Variants in GSK3B observed in about 807,000 individuals in gnomAD.
GSK3B encodes glycogen synthase kinase 3 beta, also known as glycogen synthase kinase-3 beta.
A neutral mutation model predicts 56.4 loss-of-function variants in GSK3B; 15 were observed. The observed-to-expected ratio is 0.27, with a 90% CI of 0.18 to 0.41. The LOEUF is 0.41. Ranked by LOEUF, GSK3B falls within the 10% of genes least tolerant of loss-of-function variation. The pLI is 1.00. For missense variants in GSK3B, 300 were observed against 513.4 expected (o/e 0.58, Z 4.02); for synonymous variants, 181 against 188.9 (o/e 0.96, Z 0.34).
rs1221814074 is a variant in GSK3B at position 119,825,290 on chromosome 3, C to T, written c.*1498G>A. 3 of 229,366 alleles carry T rather than the reference C, an allele frequency of 1.3e-5. No individual in the cohort carries two copies. The highest frequency in any genetic ancestry group is 1.1e-4 in the Admixed American group (2 of 17,640). The allele number at this position is 229,366 out of a possible 1,614,324, so 14.2% of individuals were successfully genotyped here. A position where few individuals can be genotyped will look rare whatever the true frequency, so the allele number is the denominator to read the frequency against. On this transcript the variant is annotated 3_prime_UTR_variant, in exon 11 of 11. Coordinates refer to ENST00000264235, the MANE Select transcript of GSK3B (RefSeq NM_001146156.2). ...ACAAACTAGTCATGAAAATCTATTT[C>T]CTCACGGCAAACATAGTCCTTCAAT...
chr3:119,826,569 C>A lies in GSK3B; in HGVS notation c.*219G>T, dbSNP rs536026067. ...CCCCTCCCCACAACCCCTCCCACCC[C>A]CTGGATCTCCCTCAAAGTGAGAATA... is the stretch of plus-strand genomic sequence containing the variant. On this transcript the variant is annotated 3_prime_UTR_variant, in exon 11 of 11. Transcript: ENST00000264235. 9.2e-5 allele frequency: 58 copies of A among 632,916 alleles called. 1 individual carries two copies. The highest frequency in any genetic ancestry group is 8.6e-4 in the South Asian group (52 of 60,432). 39.2% of individuals were successfully genotyped at this position (632,916 alleles called of 1,614,324 possible). A position where few individuals can be genotyped will look rare whatever the true frequency, so the allele number is the denominator to read the frequency against.
chr3:119,880,199 T>C (rs1238513467), intron 7 of GSK3B, among the ~76,000 whole-genome samples: 2 of 152,156 alleles, frequency 1.3e-5, no homozygotes, highest in Non-Finnish European at 2.9e-5. Context: ...GTAGTTTTGA[T>C]TTGCATTTCT....
chr3:119,904,515 A>G (rs991574244), intron 7 of GSK3B, among the ~76,000 whole-genome samples: 1 of 152,216 alleles, frequency 6.6e-6, no homozygotes, highest in East Asian at 1.9e-4. Context: ...TAGTCTTTTC[A>G]ACCATACTTG....
intron 8 of GSK3B, among the ~76,000 whole-genome samples, chr3:119,863,812 A>C (rs2056141208): frequency 6.6e-6 from 1 of 152,192 alleles, no homozygotes; most frequent in Non-Finnish European, 1.5e-5. Flanking sequence ...CTCAGAGAAA[A>C]ATCTATATAT....
chr3:120,079,555 C>T (rs1040565050), intron 1 of GSK3B, among the ~76,000 whole-genome samples: 5 of 151,954 alleles, frequency 3.3e-5, no homozygotes, highest in South Asian at 4.2e-4. Flanking sequence ...CCACCGTACC[C>T]GGCTAATTTT....
At chr3:120,060,713 G>A (rs1006015792) in intron 1 of GSK3B, among the ~76,000 whole-genome samples, 2 of 152,108 alleles carry the variant, frequency 1.3e-5, no homozygotes, top group South Asian at 2.1e-4. Flanking sequence ...GTGACAGAGC[G>A]AGACCCTGCT....
chr3:119,989,589 G>A (rs1252212475), intron 2 of GSK3B, among the ~76,000 whole-genome samples: 1 of 151,252 alleles, frequency 6.6e-6, no homozygotes, highest in East Asian at 1.9e-4. Flanking sequence ...AGGTTGCATT[G>A]AGCTGAGATT....
chr3:119,901,164 T>G (rs143752576), intron 7 of GSK3B, among the ~76,000 whole-genome samples: 1 of 152,302 alleles, frequency 6.6e-6, no homozygotes, highest in African/African-American at 2.4e-5. Flanking sequence ...CAAAAATATT[T>G]TATTTTTTCC....
chr3:119,876,178 G>A (rs954163025), intron 8 of GSK3B, among the ~76,000 whole-genome samples: 4 of 152,052 alleles, frequency 2.6e-5, no homozygotes, highest in African/African-American at 9.7e-5. Context: ...AATGATATAA[G>A]TACACTGCCC....
At chr3:120,077,385 G>GA (rs1256759094) in intron 1 of GSK3B, among the ~76,000 whole-genome samples, 1 of 152,054 alleles carries the variant, frequency 6.6e-6, no homozygotes, top group South Asian at 2.1e-4. Context: ...ACTATACACA[G>GA]AAAAAAATAT....
At chr3:120,058,483 A>T (rs76302983) in intron 1 of GSK3B, among the ~76,000 whole-genome samples, 3,927 of 152,210 alleles carry the variant, frequency 0.026, 81 homozygotes, top group Non-Finnish European at 0.041. Flanking sequence ...GGAGTTATAG[A>T]GTCTCCTGAG....
chr3:119,915,519 A>G (rs1244989096), intron 5 of GSK3B, among the ~76,000 whole-genome samples: 1 of 152,152 alleles, frequency 6.6e-6, no homozygotes, highest in Non-Finnish European at 1.5e-5. Context: ...AATAAGCCAC[A>G]CATGTACTTG....
At chr3:119,957,974 C>T (rs374275897) in intron 2 of GSK3B, among the ~76,000 whole-genome samples, 1 of 152,102 alleles carries the variant, frequency 6.6e-6, no homozygotes. Context: ...CTCCACGTCC[C>T]CACCCAAATC....
At chr3:119,887,707 A>G (rs1251877874) in intron 7 of GSK3B, among the ~76,000 whole-genome samples, 3 of 152,062 alleles carry the variant, frequency 2.0e-5, no homozygotes, top group African/African-American at 7.2e-5. Flanking sequence ...ACATTACCAA[A>G]ACTTACCCAA....
At chr3:120,039,462 T>C (rs1404320385) in intron 1 of GSK3B, among the ~76,000 whole-genome samples, 2 of 152,218 alleles carry the variant, frequency 1.3e-5, no homozygotes, top group African/African-American at 4.8e-5. Context: ...TCAACTTTCT[T>C]GTTTTCCATG....
chr3:119,834,189 A>C (rs1450297812), intron 10 of GSK3B, among the ~76,000 whole-genome samples: 2 of 152,010 alleles, frequency 1.3e-5, no homozygotes, highest in Non-Finnish European at 2.9e-5. Flanking sequence ...TGTGTACCTA[A>C]CTCAGGATGT....
At chr3:120,012,789 T>A (rs1208703710) in intron 1 of GSK3B, among the ~76,000 whole-genome samples, 1 of 152,184 alleles carries the variant, frequency 6.6e-6, no homozygotes, top group Non-Finnish European at 1.5e-5. Context: ...TCCTCCTGCC[T>A]CAGCTTCCCA....
At chr3:120,087,550 C>A (rs1003763008) in intron 1 of GSK3B, among the ~76,000 whole-genome samples, 2 of 151,650 alleles carry the variant, frequency 1.3e-5, no homozygotes, top group South Asian at 2.1e-4. Context: ...AAAAAGTGTA[C>A]TTTTTATTAC....
chr3:120,041,275 AT>A, intron 1 of GSK3B: 1 of 265,984 alleles, frequency 3.8e-6, no homozygotes, highest in South Asian at 4.8e-5. Flanking sequence ...CCTGCAGCTA[AT>A]TTTCCTGAGT....
Sources: allele counts gnomAD v4.1 joint callset (sites outside exome capture counted in the v4.1 genomes callset), GRCh38; gene constraint gnomAD v4.1.1; transcripts MANE v1.5; gene names NCBI Gene and HGNC (gene_info 2026-07-23, HGNC 2026-07-21).